The following CADPS2 variants were observed in gnomAD, a reference collection of about 807,000 sequenced individuals.
CADPS2 encodes calcium-dependent secretion activator 2.
Under a neutral mutation model 172.5 loss-of-function variants are expected in CADPS2, and 93 were observed. That is an observed-to-expected ratio of 0.54 (90% CI 0.46 to 0.64). The LOEUF (loss-of-function observed/expected upper bound fraction) is 0.64, where lower values mean the gene tolerates loss of function less well. Ranked by LOEUF, CADPS2 falls within the 30% of genes least tolerant of loss-of-function variation. The probability of loss-of-function intolerance (pLI) is 0.00; values close to 1 mark genes in which losing one functional copy is unlikely to be tolerated. For synonymous variants in CADPS2, 546 were observed against 555.2 expected, an observed-to-expected ratio of 0.98 and a Z score of 0.23; for missense variants, 1,420 against 1,565.9, an observed-to-expected ratio of 0.91 and a Z score of 1.57.
intron 14 of CADPS2, among the ~76,000 whole-genome samples, chr7:122,470,144 G>A (rs2055723243): frequency 1.1e-4 from 16 of 152,080 alleles, no homozygotes; most frequent in Admixed American, 1.0e-3. Context: ...GAAGAAGAGT[G>A]TGGTAAAAGT....
chr7:122,802,818 T>C (rs1797945271), intron 1 of CADPS2, among the ~76,000 whole-genome samples: 1 of 152,184 alleles, frequency 6.6e-6, no homozygotes, highest in Non-Finnish European at 1.5e-5. Context: ...ATACAGCCAT[T>C]AAACTGATGT....
intron 3 of CADPS2, among the ~76,000 whole-genome samples, chr7:122,637,586 T>G (rs907750923): frequency 6.6e-6 from 1 of 152,214 alleles, no homozygotes; most frequent in South Asian, 2.1e-4. Context: ...CTTGAATACC[T>G]TGGATTGGGT....
At chr7:122,424,772 GAAGT>G (rs1259955687) in intron 17 of CADPS2, among the ~76,000 whole-genome samples, 1 of 127,182 alleles carries the variant, frequency 7.9e-6, no homozygotes, top group Non-Finnish European at 1.7e-5. Context: ...CAAAGTTTAT[GAAGT>G]AAGAAAAGCT....
intron 2 of CADPS2, among the ~76,000 whole-genome samples, chr7:122,731,776 T>C (rs2091670229): frequency 6.6e-6 from 1 of 151,746 alleles, no homozygotes; most frequent in Non-Finnish European, 1.5e-5. Flanking sequence ...CAACTTTTAT[T>C]AAGTAGTTAG....
intron 28 of CADPS2, among the ~76,000 whole-genome samples, chr7:122,339,892 A>G (rs2036509021): frequency 6.6e-6 from 1 of 152,208 alleles, no homozygotes; most frequent in African/African-American, 2.4e-5. Context: ...TCCAAAAAAA[A>G]TAAAGTTCTG....
intron 15 of CADPS2, among the ~76,000 whole-genome samples, chr7:122,443,562 C>T (rs1323385390): frequency 6.7e-6 from 1 of 150,344 alleles, no homozygotes; most frequent in Non-Finnish European, 1.5e-5. Flanking sequence ...TAATTAAGCC[C>T]TTTTTGTTCC....
chr7:122,766,449 T>C (rs2093554290), intron 1 of CADPS2, among the ~76,000 whole-genome samples: 1 of 152,172 alleles, frequency 6.6e-6, no homozygotes, highest in Non-Finnish European at 1.5e-5. Flanking sequence ...TCTACATTTC[T>C]AATCATTTTA....
chr7:122,395,184 G>C (rs1479144120), intron 20 of CADPS2, among the ~76,000 whole-genome samples: 1 of 152,180 alleles, frequency 6.6e-6, no homozygotes, highest in South Asian at 2.1e-4. Flanking sequence ...TGTATATGAA[G>C]ATGGCTTCGA....
chr7:122,576,080 G>A (rs1025202891), intron 7 of CADPS2, among the ~76,000 whole-genome samples: 13 of 152,062 alleles, frequency 8.5e-5, no homozygotes, highest in African/African-American at 1.9e-4. Context: ...ATTGCATTTC[G>A]TTGTCATGTC....
At chr7:122,452,379 T>C (rs2053236497) in intron 14 of CADPS2, among the ~76,000 whole-genome samples, 1 of 152,178 alleles carries the variant, frequency 6.6e-6, no homozygotes, top group Non-Finnish European at 1.5e-5. Context: ...AAGAATCATT[T>C]CCTACCTAAT....
intron 2 of CADPS2, among the ~76,000 whole-genome samples, chr7:122,677,525 C>A (rs2082508655): frequency 6.6e-6 from 1 of 152,182 alleles, no homozygotes; most frequent in Admixed American, 6.5e-5. Flanking sequence ...ATATTTAAGG[C>A]AGAGAGTCAC....
intron 24 of CADPS2, among the ~76,000 whole-genome samples, chr7:122,383,173 C>T (rs2043220286): frequency 6.6e-6 from 1 of 152,058 alleles, no homozygotes; most frequent in African/African-American, 2.4e-5. Flanking sequence ...AAAATCATAT[C>T]CTTTGCAGCC....
chr7:122,688,628 G>A (rs1229012533), intron 2 of CADPS2, among the ~76,000 whole-genome samples: 1 of 152,202 alleles, frequency 6.6e-6, no homozygotes, highest in Non-Finnish European at 1.5e-5. Context: ...CTTGCCTTCA[G>A]GGTCAGCAGC....
At chr7:122,712,421 C>T (rs73220293) in intron 2 of CADPS2, among the ~76,000 whole-genome samples, 22,657 of 152,048 alleles carry the variant, frequency 0.15, 1,760 homozygotes, top group Non-Finnish European at 0.16. Flanking sequence ...TTCACTCATT[C>T]GAATATTTAT....
chr7:122,351,425 A>G (rs868249103), intron 27 of CADPS2, among the ~76,000 whole-genome samples: 2 of 148,266 alleles, frequency 1.3e-5, no homozygotes, highest in Non-Finnish European at 3.0e-5. Flanking sequence ...TATTTCAAGA[A>G]TGAAGCAGCC....
intron 6 of CADPS2, among the ~76,000 whole-genome samples, chr7:122,583,162 T>C (rs1185848160): frequency 6.6e-6 from 1 of 151,986 alleles, no homozygotes; most frequent in Non-Finnish European, 1.5e-5. Flanking sequence ...CACAGACAAG[T>C]ATATTCAAAA....
At chr7:122,792,218 T>C (rs1023149047) in intron 1 of CADPS2, among the ~76,000 whole-genome samples, 6 of 152,216 alleles carry the variant, frequency 3.9e-5, no homozygotes, top group African/African-American at 1.4e-4. Context: ...TCTGAATGTT[T>C]GTGTCCTCCC....
intron 2 of CADPS2, chr7:122,681,809 C>A (rs1228483000): frequency 6.3e-6 from 3 of 476,386 alleles, no homozygotes; most frequent in African/African-American, 6.1e-5. Context: ...AACCCTTAGA[C>A]CAAATATAAA....
intron 1 of CADPS2, among the ~76,000 whole-genome samples, chr7:122,821,902 C>T (rs1002067886): frequency 6.6e-6 from 1 of 152,112 alleles, no homozygotes; most frequent in Non-Finnish European, 1.5e-5. Flanking sequence ...CATTTAAGCT[C>T]CTGTATAGAT....
Sources: allele counts gnomAD v4.1 joint callset (sites outside exome capture counted in the v4.1 genomes callset), GRCh38; gene constraint gnomAD v4.1.1; transcripts MANE v1.5; gene names NCBI Gene and HGNC (gene_info 2026-07-23, HGNC 2026-07-21).